The following ANK3 variants were observed in gnomAD, a reference collection of about 807,000 sequenced individuals.
ANK3 encodes ankyrin 3.
Under a neutral mutation model 370.9 loss-of-function variants are expected in ANK3, and 57 were observed. That is an observed-to-expected ratio of 0.15 (90% CI 0.12 to 0.19). The LOEUF (loss-of-function observed/expected upper bound fraction) is 0.19, where lower values mean the gene tolerates loss of function less well. Among genes scored for constraint, ANK3 ranks in the 10% least tolerant of loss-of-function variants. The pLI is 1.00. For synonymous variants in ANK3, 1,929 were observed against 1,946.3 expected (o/e 0.99, Z 0.23); for missense variants, 4,439 against 5,302.1 (o/e 0.84, Z 5.06).
At position 60,215,517 on chromosome 10, in the gene ANK3, C is replaced by T. The variant is rs181549030; in HGVS notation, c.898-2007G>A. On this transcript the variant is annotated intron_variant, in intron 8 of 43. Transcript: ENST00000280772. ...GTTTTACTTTTAAGTCTTTAATCCA[C>T]CTTAAGCTAATTTTTGTATTAGATG... 1.9e-3 allele frequency among the ~76,000 whole-genome samples: 288 copies of T among 152,140 alleles called. 1 individual carries two copies. Among genetic ancestry groups the T allele is most frequent in the Non-Finnish European group, 2.6e-3 (175 of 67,960 alleles).
chr10:60,698,952 T>A (rs1434285676), intron 1 of ANK3, among the ~76,000 whole-genome samples: 1 of 150,900 alleles, frequency 6.6e-6, no homozygotes, highest in African/African-American at 2.4e-5. Context: ...TAAAACAGAC[T>A]TTGGAGTGAA....
At chr10:60,155,272 G>A (rs778381214) in intron 23 of ANK3, among the ~76,000 whole-genome samples, 1 of 152,212 alleles carries the variant, frequency 6.6e-6, no homozygotes, top group Non-Finnish European at 1.5e-5. Context: ...GGGAAAGAGA[G>A]AGCAAAATGA....
intron 1 of ANK3, among the ~76,000 whole-genome samples, chr10:60,711,691 T>C (rs2079710517): frequency 6.6e-6 from 1 of 152,128 alleles, no homozygotes; most frequent in Non-Finnish European, 1.5e-5. Context: ...TTTCAAAATT[T>C]AATGACAGAC....
intron 1 of ANK3, among the ~76,000 whole-genome samples, chr10:60,723,813 A>G (rs1403566339): frequency 1.3e-5 from 2 of 152,158 alleles, no homozygotes; most frequent in Non-Finnish European, 2.9e-5. Context: ...GAAAGGGAAG[A>G]TAAATTGAAA....
At chr10:60,088,724 C>A (rs2087363211) in intron 28 of ANK3, among the ~76,000 whole-genome samples, 1 of 152,132 alleles carries the variant, frequency 6.6e-6, no homozygotes, top group Admixed American at 6.5e-5. Context: ...TGGGCCCAGG[C>A]AATACATCAT....
At chr10:60,231,315 G>A (rs1354362461) in intron 8 of ANK3, among the ~76,000 whole-genome samples, 1 of 152,154 alleles carries the variant, frequency 6.6e-6, no homozygotes, top group Non-Finnish European at 1.5e-5. Context: ...CCTCTATTCT[G>A]TGAGCACCCA....
chr10:60,057,919 G>A lies in ANK3; in HGVS notation c.12686+1421C>T, dbSNP rs369551835. ...CATTCATGCCTGCAATTTTTCAAAA[G>A]TAGTTTTGTAAACTCCCTCTTTGGG... On this transcript the variant is annotated intron_variant, in intron 41 of 43. Transcript: ENST00000280772. 2.2e-4 allele frequency among the ~76,000 whole-genome samples: 33 copies of A among 152,312 alleles called. No individual in the cohort carries two copies. In the East Asian group the frequency reaches 3.3e-3, roughly 15 times the overall value.
At chr10:60,700,953 T>C (rs145263413) in intron 1 of ANK3, among the ~76,000 whole-genome samples, 59 of 151,838 alleles carry the variant, frequency 3.9e-4, no homozygotes, top group African/African-American at 1.4e-3. Context: ...AAAATAAAAA[T>C]GTATATGGCA....
intron 2 of ANK3, among the ~76,000 whole-genome samples, chr10:60,478,393 T>C (rs2075126553): frequency 6.6e-6 from 1 of 152,082 alleles, no homozygotes; most frequent in Non-Finnish European, 1.5e-5. Flanking sequence ...TTTAATACAA[T>C]AGTAAAAACA....
intron 21 of ANK3, among the ~76,000 whole-genome samples, chr10:60,170,467 G>A (rs1455357371): frequency 6.6e-6 from 1 of 152,208 alleles, no homozygotes. Flanking sequence ...GGCTGACAAG[G>A]TGGTGTCTCA....
At chr10:60,528,644 A>C (rs1046015421) in intron 2 of ANK3, among the ~76,000 whole-genome samples, 1 of 152,084 alleles carries the variant, frequency 6.6e-6, no homozygotes, top group African/African-American at 2.4e-5. Context: ...AAACTTCAGC[A>C]TTATTGACAT....
chr10:60,138,626 T>C (rs1019897839), intron 24 of ANK3: 1 of 442,012 alleles, frequency 2.3e-6, no homozygotes. Flanking sequence ...ATACTTTCTT[T>C]CAATATGGAA....
chr10:60,287,371 T>C (rs898331), intron 1 of ANK3, among the ~76,000 whole-genome samples: 2,490 of 152,262 alleles, frequency 0.016, 29 homozygotes, highest in Non-Finnish European at 0.024. Flanking sequence ...TTCAGGCCCT[T>C]ACTGTATAAT....
At chr10:60,660,934 A>ACACACACACACACACC (rs373156861) in intron 1 of ANK3, among the ~76,000 whole-genome samples, 38 of 151,854 alleles carry the variant, frequency 2.5e-4, no homozygotes, top group Middle Eastern at 3.4e-3. Context: ...ACACACACAC[A>ACACACACACACACACC]CCCCACATCT....
chr10:60,177,483 T>C (rs1424830485), intron 18 of ANK3, among the ~76,000 whole-genome samples: 2 of 152,156 alleles, frequency 1.3e-5, no homozygotes, highest in Non-Finnish European at 2.9e-5. Context: ...CTTTATTCCC[T>C]GTCTCATTGA....
chr10:60,037,403 G>A (rs1055921902), intron 43 of ANK3, among the ~76,000 whole-genome samples: 3 of 151,996 alleles, frequency 2.0e-5, no homozygotes, highest in African/African-American at 7.3e-5. Context: ...TGCCACCCAG[G>A]TACTAAGCCT....
intron 2 of ANK3, among the ~76,000 whole-genome samples, chr10:60,504,901 A>C (rs2075894031): frequency 6.6e-6 from 1 of 152,180 alleles, no homozygotes; most frequent in African/African-American, 2.4e-5. Flanking sequence ...AACTAGCTAC[A>C]GAGGGCATAT....
At chr10:60,220,731 A>T (rs866136766) in intron 8 of ANK3, among the ~76,000 whole-genome samples, 1 of 152,122 alleles carries the variant, frequency 6.6e-6, no homozygotes, top group Non-Finnish European at 1.5e-5. Context: ...GTGTCTCCCT[A>T]AAATGTATAC....
chr10:60,247,069 G>T (rs1007755409), intron 7 of ANK3, among the ~76,000 whole-genome samples: 7 of 152,206 alleles, frequency 4.6e-5, no homozygotes, highest in African/African-American at 1.7e-4. Context: ...AAGCTGGAGT[G>T]CAGTGGCATG....
Sources: allele counts gnomAD v4.1 joint callset (sites outside exome capture counted in the v4.1 genomes callset), GRCh38; gene constraint gnomAD v4.1.1; transcripts MANE v1.5; gene names NCBI Gene and HGNC (gene_info 2026-07-23, HGNC 2026-07-21).